Variants in NCK2 observed in about 807,000 individuals in gnomAD.
NCK2 encodes the protein cytoplasmic protein NCK2.
In NCK2, 16 loss-of-function variants were observed where a neutral mutation model predicts 33.9. That is an observed-to-expected ratio of 0.47 (90% confidence interval 0.32 to 0.72). The LOEUF is 0.72. Ranked by LOEUF, NCK2 falls within the 30% of genes least tolerant of loss-of-function variation. The probability of loss-of-function intolerance (pLI) is 0.03; values close to 1 mark genes in which losing one functional copy is unlikely to be tolerated. For missense variants in NCK2, 418 were observed against 537.3 expected, an observed-to-expected ratio of 0.78 and a Z score of 2.19; for synonymous variants, 273 against 239.9, an observed-to-expected ratio of 1.14 and a Z score of -1.27.
chr2:105,846,671 A>G (rs183469777), intron 2 of NCK2: 2 of 152,316 alleles, frequency 1.3e-5, no homozygotes, highest in African/African-American at 2.4e-5. Flanking sequence ...AAAGTAGACA[A>G]TAACAGGCGT....
At chr2:105,808,794 G>C (rs530532051) in intron 1 of NCK2, among the ~76,000 whole-genome samples, 1 of 152,330 alleles carries the variant, frequency 6.6e-6, no homozygotes, top group East Asian at 1.9e-4. Flanking sequence ...ACACTAATGA[G>C]ATATGAGCTT....
At chr2:105,891,374 C>T (rs2104691158) in intron 4 of NCK2, among the ~76,000 whole-genome samples, 1 of 152,084 alleles carries the variant, frequency 6.6e-6, no homozygotes, top group African/African-American at 2.4e-5. Context: ...CCTGCATGCA[C>T]ACACATGTAT....
At chr2:105,783,428 T>C (rs576903637) in intron 1 of NCK2, among the ~76,000 whole-genome samples, 16 of 152,156 alleles carry the variant, frequency 1.1e-4, no homozygotes, top group Middle Eastern at 3.4e-3. Flanking sequence ...TGGAACATGG[T>C]TTTTATTTAG....
At position 105,892,951 on chromosome 2, in the gene NCK2, C is replaced by A. The variant is rs190858251; in HGVS notation, c.949-31C>A. On this transcript the variant is annotated intron_variant, in intron 4 of 4. Transcript: ENST00000233154. ...TTAGACACAGCTCCCCGCTGTGGCC[C>A]GGCTGTAACTGTGTTCTGTTTCCTC... is the stretch of plus-strand genomic sequence containing the variant. The A allele has an allele frequency of 6.4e-6, 10 of 1,574,796 alleles. No individual in the cohort carries two copies. The African/African-American group carries it at 8.1e-5, about 13-fold the overall frequency.
At chr2:105,844,654 G>A (rs956576993) in intron 2 of NCK2, among the ~76,000 whole-genome samples, 2 of 149,660 alleles carry the variant, frequency 1.3e-5, no homozygotes, top group African/African-American at 4.9e-5. Flanking sequence ...AGAATTGCTC[G>A]AACCCAGGAG....
chr2:105,882,874 G>C (rs1247871697), intron 4 of NCK2, among the ~76,000 whole-genome samples: 1 of 152,168 alleles, frequency 6.6e-6, no homozygotes, highest in African/African-American at 2.4e-5. Flanking sequence ...GAATTGTATT[G>C]GTTCTAGGAG....
chr2:105,755,923 AAAAT>A (rs1209443783), intron 1 of NCK2, among the ~76,000 whole-genome samples: 23 of 152,360 alleles, frequency 1.5e-4, no homozygotes, highest in African/African-American at 5.3e-4. Flanking sequence ...GTATAGTTCT[AAAAT>A]AAACTCCTCA....
At chr2:105,808,508 C>G (rs1675170023) in intron 1 of NCK2, among the ~76,000 whole-genome samples, 1 of 152,122 alleles carries the variant, frequency 6.6e-6, no homozygotes, top group African/African-American at 2.4e-5. Context: ...AGTGCTGGAT[C>G]CCTGCTCTTG....
intron 2 of NCK2, chr2:105,853,745 A>G (rs1463911109): frequency 2.6e-5 from 4 of 152,250 alleles, no homozygotes; most frequent in Non-Finnish European, 4.4e-5. Context: ...TATTAAGACA[A>G]CAAGGAAGAG....
chr2:105,792,445 G>A (rs10168919), intron 1 of NCK2, among the ~76,000 whole-genome samples: 14,052 of 152,070 alleles, frequency 0.092, 747 homozygotes, highest in South Asian at 0.17. Context: ...TAAATATTAC[G>A]GAATTTCAAT....
intron 1 of NCK2, among the ~76,000 whole-genome samples, chr2:105,762,036 G>T (rs1204170676): frequency 6.6e-6 from 1 of 152,180 alleles, no homozygotes; most frequent in Non-Finnish European, 1.5e-5. Context: ...GACTACAGTT[G>T]CAAGTGTGGG....
chr2:105,811,826 CT>C (rs1573620817), intron 1 of NCK2, among the ~76,000 whole-genome samples: 1 of 152,188 alleles, frequency 6.6e-6, no homozygotes, highest in African/African-American at 2.4e-5. Context: ...GGTGCCTCCC[CT>C]AGTACAGTTA....
At chr2:105,873,969 G>T (rs1392916889) in intron 3 of NCK2, among the ~76,000 whole-genome samples, 1 of 152,166 alleles carries the variant, frequency 6.6e-6, no homozygotes, top group Non-Finnish European at 1.5e-5. Context: ...ATGAGTCATG[G>T]GCCTTCCCCC....
chr2:105,844,256 T>C (rs1346658879), intron 2 of NCK2, among the ~76,000 whole-genome samples: 1 of 152,036 alleles, frequency 6.6e-6, no homozygotes, highest in Non-Finnish European at 1.5e-5. Context: ...CAACTAAATG[T>C]AGTGTGGGAT....
intron 1 of NCK2, among the ~76,000 whole-genome samples, chr2:105,814,686 G>C (rs551941112): frequency 6.6e-6 from 1 of 152,178 alleles, no homozygotes; most frequent in Non-Finnish European, 1.5e-5. Context: ...CTCTCCAGTC[G>C]GTTGGGAAAA....
chr2:105,874,326 C>G (rs1484781323), intron 3 of NCK2, among the ~76,000 whole-genome samples: 1 of 152,182 alleles, frequency 6.6e-6, no homozygotes, highest in African/African-American at 2.4e-5. Context: ...TATTCTGACT[C>G]TTATATGGAA....
chr2:105,756,344 TC>T (rs55652532), intron 1 of NCK2, among the ~76,000 whole-genome samples: 95,557 of 152,070 alleles, frequency 0.63, 30,817 homozygotes, highest in East Asian at 0.78. Context: ...AATCAATCTT[TC>T]CCTTTCTTCA....
chr2:105,833,575 ATTTAT>A (rs1210932979), intron 2 of NCK2, among the ~76,000 whole-genome samples: 1 of 150,952 alleles, frequency 6.6e-6, no homozygotes, highest in Non-Finnish European at 1.5e-5. Context: ...TTCTGATATT[ATTTAT>A]TTGGCTTTTC....
At chr2:105,829,489 C>T (rs1287939268) in intron 2 of NCK2, among the ~76,000 whole-genome samples, 2 of 152,156 alleles carry the variant, frequency 1.3e-5, no homozygotes, top group East Asian at 3.9e-4. Flanking sequence ...AGGATTCCAT[C>T]CAAGATGCCA....
Sources: gnomAD v4.1 joint callset for allele counts (sites outside exome capture counted in the v4.1 genomes callset) on GRCh38, gnomAD v4.1.1 for gene constraint, MANE v1.5 for transcripts, NCBI Gene and HGNC (gene_info 2026-07-23, HGNC 2026-07-21) for gene names.